The following FREM3 variants were observed in gnomAD, a reference collection of about 807,000 sequenced individuals.
FREM3 encodes FRAS1 related extracellular matrix 3.
A neutral mutation model predicts 129.1 loss-of-function variants in FREM3; 105 were observed. The observed-to-expected ratio is 0.81, with a 90% CI of 0.69 to 0.96. The LOEUF (loss-of-function observed/expected upper bound fraction) is 0.96, where lower values mean the gene tolerates loss of function less well. FREM3 is among the 40% of genes least tolerant of loss of function. The pLI is 0.00. For synonymous variants in FREM3, 1,014 were observed against 1,044.9 expected (o/e 0.97, Z 0.57); for missense variants, 2,593 against 2,666.3 (o/e 0.97, Z 0.61).
rs781177482 is a variant in FREM3, at chr4:143,698,633, G to A, written c.2043C>T (p.Asp681=). ...TGTGCTGTTTGGAGAGATTGGGTGG[G>A]TCATGGTCATCCTGCACATGGAAAG... ...QLAFHVQDDH[D]PPNLSKQHIF... Residue 681 remains aspartate (D), a synonymous_variant, in exon 1 of 8, where the codon GAC becomes GAT. Transcript: ENST00000329798. 5 of 1,537,850 alleles carry A rather than the reference G, an allele frequency of 3.3e-6. No homozygotes were observed. Among genetic ancestry groups the A allele is most frequent in the Non-Finnish European group, 4.4e-6 (5 of 1,147,044 alleles).
At chr4:143,618,970 A>G (rs1424334707) in intron 5 of FREM3, among the ~76,000 whole-genome samples, 4 of 152,190 alleles carry the variant, frequency 2.6e-5, no homozygotes, top group African/African-American at 9.7e-5. Flanking sequence ...CAAACAATGC[A>G]TAACTAAACT....
chr4:143,698,383 T>C lies in FREM3; in HGVS notation c.2293A>G (p.Thr765Ala). The change falls in exon 1 of 8, where the codon ACT (threonine) becomes GCT (alanine). Residue 765 changes from threonine to alanine, a missense_variant. Transcript: ENST00000329798. ...ATGATGAGTGTGTCTGGTGAATCAG[T>C]GAGCACAATTTCTCCAGCCCGGACT... ...HQVRAGEIVL[T>A]DSPDTLIMHF... The C allele has an allele frequency of 1.3e-6, 2 of 1,537,934 alleles. No individual in the cohort carries two copies. The highest frequency in any genetic ancestry group is 2.0e-5 in the Admixed American group (1 of 50,996).
chr4:143,586,625 G>A (rs747817340), intron 6 of FREM3, among the ~76,000 whole-genome samples: 29 of 152,120 alleles, frequency 1.9e-4, no homozygotes, highest in Non-Finnish European at 3.8e-4. Context: ...AGGCTTCAGC[G>A]GTGGGTAGAA....
intron 2 of FREM3, among the ~76,000 whole-genome samples, chr4:143,686,041 A>C (rs1305643592): frequency 6.6e-6 from 1 of 152,178 alleles, no homozygotes; most frequent in Non-Finnish European, 1.5e-5. Flanking sequence ...CAGAATGGAT[A>C]AGAACTTACC....
chr4:143,682,580 T>C lies in FREM3; in HGVS notation c.5275+10533A>G, dbSNP rs565911435. On this transcript the variant is annotated intron_variant, in intron 2 of 7. Coordinates refer to ENST00000329798, the MANE Select transcript of FREM3 (RefSeq NM_001168235.2). ...GGAGTGTACTTTTCTTTTCAATAAA[T>C]CCCTGCTTTTGTTCTTTTGTTGCAT... 2.0e-4 allele frequency among the ~76,000 whole-genome samples: 30 copies of C among 152,322 alleles called. No homozygotes were observed. The South Asian group carries it at 6.0e-3, about 31-fold the overall frequency.
intron 2 of FREM3, among the ~76,000 whole-genome samples, chr4:143,641,063 A>T (rs919618006): frequency 9.9e-5 from 15 of 152,220 alleles, no homozygotes; most frequent in Non-Finnish European, 1.9e-4. Flanking sequence ...ACCTGGTCCC[A>T]ATCAAACTAA....
chr4:143,678,459 G>C (rs578210321), intron 2 of FREM3, among the ~76,000 whole-genome samples: 1 of 152,012 alleles, frequency 6.6e-6, no homozygotes, highest in Non-Finnish European at 1.5e-5. Context: ...GTTAATGGGT[G>C]CAGCACATCA....
In FREM3 at chr4:143,675,443, G is replaced by A. The variant is rs1381617818; in HGVS notation, c.5275+17670C>T. ...AATGCCCACAAGAGAAAGCAGGAAA[G>A]ATCTAAAATTGACACCCTAACATCA... On this transcript the variant is annotated intron_variant, in intron 2 of 7. Coordinates refer to ENST00000329798, the MANE Select transcript of FREM3 (RefSeq NM_001168235.2). Among the ~76,000 whole-genome samples, 5 of 152,158 alleles carry A rather than the reference G, an allele frequency of 3.3e-5. No homozygotes were observed. In the South Asian group the frequency reaches 8.3e-4, roughly 25 times the overall value.
rs1304464039 is a variant in FREM3 at position 143,590,145 on chromosome 4, G to A, written c.6029-4152C>T. ...GCTTAAGGAGATTTTGGGCTGAGAC[G>A]ATGGGGTTTTCTAGATATACAATCA... On this transcript the variant is annotated intron_variant, in intron 6 of 7. Transcript: ENST00000329798. Among the ~76,000 whole-genome samples, 1,154 of 152,068 alleles carry A rather than the reference G, an allele frequency of 7.6e-3. 19 individuals carry two copies. The highest frequency in any genetic ancestry group is 0.026 in the African/African-American group (1,077 of 41,462).
At chr4:143,690,870 G>A (rs952816073) in intron 2 of FREM3, among the ~76,000 whole-genome samples, 7 of 152,098 alleles carry the variant, frequency 4.6e-5, no homozygotes, top group African/African-American at 1.4e-4. Flanking sequence ...TTCACTCATT[G>A]GGCATGGCAG....
chr4:143,615,872 A>G (rs1738835755), intron 5 of FREM3, among the ~76,000 whole-genome samples: 1 of 152,190 alleles, frequency 6.6e-6, no homozygotes, highest in Admixed American at 6.5e-5. Flanking sequence ...CACTATCACC[A>G]TTGCAGGTGG....
rs901245383 is a variant in FREM3, at chr4:143,700,335, C to T, written c.341G>A (p.Arg114His). ...PRLKGALSPRRFPCTFGPRQV... is the reference protein window; with the variant it reads ...PRLKGALSPRHFPCTFGPRQV... Reference sequence around the variant, plus strand: ...GCGGGGCCCGAAGGTGCAGGGGAAGCGGCGCGGGGAGAGCGCGCCCTTGAG... The same window carrying T: ...GCGGGGCCCGAAGGTGCAGGGGAAGTGGCGCGGGGAGAGCGCGCCCTTGAG... The change falls in exon 1 of 8, where the codon CGC becomes CAC. Residue 114 changes from arginine (R) to histidine (H), a missense_variant. This residue lies in a region of FREM3 where 2,276 missense variants were observed against 2,267.2 expected (regional missense o/e 1.00). Transcript: ENST00000329798. 4 of 1,534,660 alleles carry T rather than the reference C, an allele frequency of 2.6e-6. No homozygotes were observed. In the Admixed American group the frequency reaches 7.9e-5, roughly 30 times the overall value.
At chr4:143,673,655 G>T (rs1740047170) in intron 2 of FREM3, among the ~76,000 whole-genome samples, 1 of 152,238 alleles carries the variant, frequency 6.6e-6, no homozygotes, top group African/African-American at 2.4e-5. Flanking sequence ...AGAGGTTTCT[G>T]CTGCCTTTCG....
At chr4:143,675,663 AAGAG>A (rs960249555) in intron 2 of FREM3, among the ~76,000 whole-genome samples, 30 of 152,310 alleles carry the variant, frequency 2.0e-4, no homozygotes, top group Middle Eastern at 3.4e-3. Context: ...TAAAGAAAGA[AAGAG>A]AGAAGAATCA....
At chr4:143,639,594 A>G (rs533262719) in intron 2 of FREM3, among the ~76,000 whole-genome samples, 1 of 152,276 alleles carries the variant, frequency 6.6e-6, no homozygotes, top group East Asian at 1.9e-4. Flanking sequence ...GACAAATAAT[A>G]ATATCACTCA....
chr4:143,698,798 A>G lies in FREM3; in HGVS notation c.1878T>C (p.Asp626=), dbSNP rs1361601374. 6 of 1,537,532 alleles carry G rather than the reference A, an allele frequency of 3.9e-6. No homozygotes were observed. Among genetic ancestry groups the G allele is most frequent in the East Asian group, 2.4e-5 (1 of 40,916 alleles). The stretch of plus-strand genomic sequence containing the variant: ...CCTTTTCCATGTAGTGCCAGTCTTC[A>G]TCTTCAGTTGAGAGAGGTAGTTCAG... ...QQAELPLSTE[D]EDWHYMEKEG... is the part of the protein sequence containing the mutation. Residue 626 remains aspartate, a synonymous_variant, in exon 1 of 8, where the codon GAT becomes GAC. Transcript: ENST00000329798.
chr4:143,622,354 A>G (rs1449517542), intron 4 of FREM3, among the ~76,000 whole-genome samples: 1 of 150,444 alleles, frequency 6.6e-6, no homozygotes, highest in Non-Finnish European at 1.5e-5. Context: ...TCGGCCTCCT[A>G]AAGTGCTGGG....
intron 2 of FREM3, among the ~76,000 whole-genome samples, chr4:143,664,864 G>T (rs1447063892): frequency 6.6e-6 from 1 of 152,180 alleles, no homozygotes; most frequent in Non-Finnish European, 1.5e-5. Context: ...CAATCAGCGA[G>T]ACTCCGTGGG....
chr4:143,700,330 G>C lies in FREM3; in HGVS notation c.346C>G (p.Pro116Ala). 1 of 1,535,040 alleles carries C rather than the reference G, an allele frequency of 6.5e-7. No homozygotes were observed. The highest frequency in any genetic ancestry group is 1.4e-5 in the African/African-American group (1 of 73,136). Residue 116 changes from proline (P) to alanine (A), a missense_variant, in exon 1 of 8, where the codon CCC becomes GCC. By Grantham distance (27) the Pro-to-Ala change is conservative (BLOSUM62 -1). This residue lies in a region of FREM3 where 2,276 missense variants were observed against 2,267.2 expected (regional missense o/e 1.00). Coordinates refer to ENST00000329798, the MANE Select transcript of FREM3 (RefSeq NM_001168235.2). ...LKGALSPRRF[P>A]CTFGPRQVQY... ...ACTTGGCGGGGCCCGAAGGTGCAGGGGAAGCGGCGCGGGGAGAGCGCGCCC... is the reference window on the plus strand; with the variant it reads ...ACTTGGCGGGGCCCGAAGGTGCAGGCGAAGCGGCGCGGGGAGAGCGCGCCC...
Sources: gnomAD v4.1 joint callset for allele counts (sites outside exome capture counted in the v4.1 genomes callset) on GRCh38, gnomAD v4.1.1 for gene constraint, gnomAD v4.1.1 regional missense constraint, MANE v1.5 for transcripts, NCBI Gene and HGNC (gene_info 2026-07-23, HGNC 2026-07-21) for gene names.